The following NBAS variants were observed in gnomAD, a reference collection of about 807,000 sequenced individuals.
NBAS encodes NBAS subunit of NRZ tethering complex, also known as NAG/BC035112 fusion.
NBAS carries 219 observed loss-of-function variants against 302.5 expected under a neutral mutation model. The observed-to-expected ratio is 0.72, with a 90% confidence interval of 0.65 to 0.81. NBAS has a LOEUF of 0.81. Among genes scored for constraint, NBAS ranks in the 30% least tolerant of loss-of-function variants. The probability of loss-of-function intolerance (pLI) is 0.00; values close to 1 mark genes in which losing one functional copy is unlikely to be tolerated. For synonymous variants in NBAS, 1,118 were observed against 1,021.6 expected (o/e 1.09, Z -1.80); for missense variants, 2,932 against 2,841.6 (o/e 1.03, Z -0.72).
At chr2:15,101,258 G>A in the NBAS span, among the ~76,000 whole-genome samples, 1 of 151,954 alleles carries the variant, frequency 6.6e-6, no homozygotes, top group Non-Finnish European at 1.5e-5. Flanking sequence ...CAATCTTAAT[G>A]CTTACTTCAA....
chr2:15,510,100 G>T (rs555640568), intron 10 of NBAS, among the ~76,000 whole-genome samples: 1 of 152,082 alleles, frequency 6.6e-6, no homozygotes, highest in African/African-American at 2.4e-5. Context: ...CACCCACTTC[G>T]GCCTCCCAAA....
At chr2:15,002,182 T>A in the NBAS span, among the ~76,000 whole-genome samples, 3 of 151,748 alleles carry the variant, frequency 2.0e-5, no homozygotes, top group Admixed American at 6.6e-5. Context: ...TCACAAACCC[T>A]GAGATAGACA....
Position 15,478,291 on chromosome 2 carries a change from TAA to T in NBAS, c.1084-4_1084-3del. 1 of 1,608,384 alleles carries T rather than the reference TAA, an allele frequency of 6.2e-7. No homozygotes were observed. Among genetic ancestry groups the T allele is most frequent in the Non-Finnish European group, 8.5e-7 (1 of 1,175,020 alleles). ...AGGATTAAGGTCATCATAGCCTGGC[TAA>T]ATATGAAAATAATGACTTCCTGAGT... is the stretch of plus-strand genomic sequence containing the variant. On this transcript the variant is annotated splice_region_variant and splice_polypyrimidine_tract_variant and intron_variant, in intron 12 of 51. Coordinates refer to ENST00000281513, the MANE Select transcript of NBAS (RefSeq NM_015909.4).
chr2:15,160,592 A>AG, the NBAS span, among the ~76,000 whole-genome samples: 5,252 of 56,342 alleles, frequency 0.093, 322 homozygotes, highest in African/African-American at 0.2. Context: ...GGGCGGGGGG[A>AG]GGGGGGGGGG....
intron 9 of NBAS, among the ~76,000 whole-genome samples, chr2:15,529,351 A>T (rs1468946791): frequency 6.6e-6 from 1 of 151,898 alleles, no homozygotes; most frequent in East Asian, 1.9e-4. Context: ...TCAACAGCCA[A>T]GTGTGGTGGT....
At chr2:14,915,035 A>G in the NBAS span, among the ~76,000 whole-genome samples, 1 of 152,232 alleles carries the variant, frequency 6.6e-6, no homozygotes, top group Non-Finnish European at 1.5e-5. Flanking sequence ...GCAAAAGCTT[A>G]CTGATACAGA....
intron 26 of NBAS, 109 bp downstream of exon 26, chr2:15,402,059 T>C (rs1676180673): frequency 1.6e-6 from 2 of 1,224,044 alleles, no homozygotes; most frequent in South Asian, 1.2e-5. Context: ...CCTTATGTTT[T>C]TTTCACATTC....
At chr2:15,161,712 G>A in the NBAS span, among the ~76,000 whole-genome samples, 1 of 152,178 alleles carries the variant, frequency 6.6e-6, no homozygotes, top group Non-Finnish European at 1.5e-5. Context: ...CACCCAGCCA[G>A]GGCAGCTTTT....
At chr2:15,168,698 C>T (rs1167618621) in intron 51 of NBAS, among the ~76,000 whole-genome samples, 2 of 152,182 alleles carry the variant, frequency 1.3e-5, no homozygotes, top group East Asian at 1.9e-4. Flanking sequence ...GGTGCAATCT[C>T]GGCTCACTGC....
chr2:14,818,130 T>C, the NBAS span, among the ~76,000 whole-genome samples: 1 of 152,100 alleles, frequency 6.6e-6, no homozygotes, highest in Non-Finnish European at 1.5e-5. Flanking sequence ...TTTGGGAGTA[T>C]CTCAAATCTC....
chr2:15,340,234 G>A (rs1672782834), intron 35 of NBAS, among the ~76,000 whole-genome samples: 1 of 152,198 alleles, frequency 6.6e-6, no homozygotes, highest in Non-Finnish European at 1.5e-5. Flanking sequence ...GGGGAGATAT[G>A]ATGATAATCT....
chr2:15,481,589 C>T (rs1194996170), intron 12 of NBAS, among the ~76,000 whole-genome samples: 1 of 152,016 alleles, frequency 6.6e-6, no homozygotes, highest in East Asian at 1.9e-4. Context: ...GAACACAATA[C>T]CCCAAAGTAT....
intron 9 of NBAS, among the ~76,000 whole-genome samples, chr2:15,516,757 T>C (rs1344108268): frequency 6.6e-6 from 1 of 150,996 alleles, no homozygotes; most frequent in Non-Finnish European, 1.5e-5. Context: ...TGGGAGAAGT[T>C]ATTTACAACA....
intron 51 of NBAS, among the ~76,000 whole-genome samples, chr2:15,172,230 C>A (rs1296740790): frequency 1.3e-5 from 2 of 152,126 alleles, no homozygotes; most frequent in African/African-American, 2.4e-5. Context: ...CTCAAGGTTG[C>A]TTTCATTTGA....
intron 48 of NBAS, among the ~76,000 whole-genome samples, chr2:15,216,392 T>C (rs1666656260): frequency 6.6e-6 from 1 of 152,124 alleles, no homozygotes; most frequent in Non-Finnish European, 1.5e-5. Context: ...CCGGAAAAAG[T>C]TTGCACCACC....
the NBAS span, among the ~76,000 whole-genome samples, chr2:15,100,290 C>T: frequency 6.6e-6 from 1 of 152,144 alleles, no homozygotes; most frequent in Non-Finnish European, 1.5e-5. Context: ...TCTACAGGAT[C>T]ACTGTAGAAC....
intron 48 of NBAS, among the ~76,000 whole-genome samples, chr2:15,215,199 A>G (rs1019357659): frequency 1.3e-5 from 2 of 151,996 alleles, no homozygotes. Flanking sequence ...ATATTTCTGG[A>G]ATGGAAATAA....
At chr2:14,782,993 A>G in the NBAS span, among the ~76,000 whole-genome samples, 1 of 152,022 alleles carries the variant, frequency 6.6e-6, no homozygotes, top group Non-Finnish European at 1.5e-5. Flanking sequence ...GATCAGAAAA[A>G]ATTGCCATTG....
chr2:15,045,174 C>T, the NBAS span, among the ~76,000 whole-genome samples: 4 of 152,292 alleles, frequency 2.6e-5, no homozygotes, highest in East Asian at 1.9e-4. Context: ...TGACCACCAA[C>T]GCCATGTGAG....
Sources: allele counts gnomAD v4.1 joint callset (sites outside exome capture counted in the v4.1 genomes callset), GRCh38; gene constraint gnomAD v4.1.1; transcripts MANE v1.5; gene names NCBI Gene and HGNC (gene_info 2026-07-23, HGNC 2026-07-21).